CDKAL1: variants seen among roughly 807,000 people sequenced by gnomAD.
CDKAL1 encodes threonylcarbamoyladenosine tRNA methylthiotransferase.
CDKAL1 carries 32 observed loss-of-function variants against 68.2 expected under a neutral mutation model. The observed-to-expected ratio is 0.47, with a 90% confidence interval of 0.35 to 0.63. The LOEUF is 0.63. Among genes scored for constraint, CDKAL1 ranks in the 30% least tolerant of loss-of-function variants. The pLI is 0.00. For missense variants in CDKAL1, 606 were observed against 696.7 expected (o/e 0.87, Z 1.47); for synonymous variants, 234 against 244.3 (o/e 0.96, Z 0.39).
chr6:21,177,603 GATT>G (rs1386677007), intron 13 of CDKAL1, among the ~76,000 whole-genome samples: 2 of 150,520 alleles, frequency 1.3e-5, no homozygotes, highest in Non-Finnish European at 3.0e-5. Context: ...ACAAAAGCTT[GATT>G]TAAAGAGTAT....
chr6:20,822,783 C>T, intron 8 of CDKAL1, among the ~76,000 whole-genome samples: 1 of 152,126 alleles, frequency 6.6e-6, no homozygotes, highest in Admixed American at 6.6e-5. Context: ...AAGAAAGTGC[C>T]TTGCTTTCCC....
intron 8 of CDKAL1, among the ~76,000 whole-genome samples, chr6:20,843,813 AG>A (rs1355358020): frequency 6.6e-6 from 1 of 152,194 alleles, no homozygotes; most frequent in Non-Finnish European, 1.5e-5. Context: ...CATTGGTTAT[AG>A]GACAAATAAG....
At chr6:21,154,626 T>C (rs75266310) in intron 13 of CDKAL1, among the ~76,000 whole-genome samples, 2,897 of 152,288 alleles carry the variant, frequency 0.019, 73 homozygotes, top group African/African-American at 0.058. Flanking sequence ...GAAATGGAAA[T>C]GTAAATTGCT....
chr6:20,984,344 G>A (rs1044572680), intron 10 of CDKAL1, among the ~76,000 whole-genome samples: 1 of 152,136 alleles, frequency 6.6e-6, no homozygotes, highest in African/African-American at 2.4e-5. Flanking sequence ...GCGGGTGCAG[G>A]AGCTGGGGCA....
intron 8 of CDKAL1, among the ~76,000 whole-genome samples, chr6:20,815,456 G>A (rs775025272): frequency 1.9e-4 from 29 of 151,558 alleles, no homozygotes; most frequent in Non-Finnish European, 3.8e-4. Flanking sequence ...CAGTTTAACT[G>A]GGTTTTCAAA....
chr6:21,104,332 A>T (rs1005963057), intron 12 of CDKAL1, among the ~76,000 whole-genome samples: 2 of 152,234 alleles, frequency 1.3e-5, no homozygotes, highest in African/African-American at 4.8e-5. Flanking sequence ...TCCATTGAGC[A>T]AATAGAAGGA....
At chr6:21,034,797 A>AT (rs1195436640) in intron 11 of CDKAL1, among the ~76,000 whole-genome samples, 1 of 152,174 alleles carries the variant, frequency 6.6e-6, no homozygotes, top group Non-Finnish European at 1.5e-5. Context: ...TTGCTGTTAC[A>AT]TTTTTTAAAA....
chr6:21,192,316 C>T lies in CDKAL1; in HGVS notation c.1300-5705C>T, dbSNP rs560262800. ...GATTACAGGCGTGAGCCACCGCGCC[C>T]GGCCATAATTCATTTTTCATAAAAT... is the stretch of plus-strand genomic sequence containing the variant. On this transcript the variant is annotated intron_variant, in intron 13 of 15. Transcript: ENST00000274695. Among the ~76,000 whole-genome samples the T allele has an allele frequency of 5.3e-5, 8 of 152,068 alleles. No individual in the cohort carries two copies. The South Asian group carries it at 1.2e-3, about 24-fold the overall frequency.
intron 13 of CDKAL1, among the ~76,000 whole-genome samples, chr6:21,155,020 G>A (rs189825381): frequency 1.3e-4 from 19 of 149,132 alleles, no homozygotes; most frequent in Admixed American, 1.1e-3. Context: ...AAATACAAGA[G>A]TGATGACATT....
chr6:20,949,097 C>G (rs755290194), intron 9 of CDKAL1, among the ~76,000 whole-genome samples: 13 of 152,168 alleles, frequency 8.5e-5, no homozygotes, highest in Non-Finnish European at 1.3e-4. Flanking sequence ...TTTGTTAACT[C>G]TCATTATTAA....
At chr6:21,192,709 A>T (rs1778305975) in intron 13 of CDKAL1, among the ~76,000 whole-genome samples, 2 of 152,172 alleles carry the variant, frequency 1.3e-5, no homozygotes, top group Non-Finnish European at 2.9e-5. Flanking sequence ...TTAAATAAAC[A>T]TCATTTTATT....
intron 9 of CDKAL1, among the ~76,000 whole-genome samples, chr6:20,907,972 C>T (rs1360151631): frequency 6.6e-6 from 1 of 152,186 alleles, no homozygotes; most frequent in Non-Finnish European, 1.5e-5. Flanking sequence ...ATCCACGGCT[C>T]TGTCACCACT....
chr6:21,067,293 C>T (rs1771510070), intron 12 of CDKAL1, among the ~76,000 whole-genome samples: 1 of 152,054 alleles, frequency 6.6e-6, no homozygotes, highest in Non-Finnish European at 1.5e-5. Flanking sequence ...TGTAAGAATT[C>T]ATGTTTGAGT....
Position 21,065,244 on chromosome 6 carries a change from T to G in CDKAL1, c.1236+16T>G. On this transcript the variant is annotated intron_variant, in intron 12 of 15. Coordinates refer to ENST00000274695, the MANE Select transcript of CDKAL1 (RefSeq NM_017774.3). Reference sequence around the variant, plus strand: ...AGCACAAGTGGTAAGATCTTTTTCTTGTAAGGTATTGTTTTTTGCCAGTAG... The same window carrying G: ...AGCACAAGTGGTAAGATCTTTTTCTGGTAAGGTATTGTTTTTTGCCAGTAG... The G allele has an allele frequency of 6.3e-7, 1 of 1,589,660 alleles. No homozygotes were observed. Among genetic ancestry groups the G allele is most frequent in the South Asian group, 1.2e-5 (1 of 84,664 alleles).
intron 10 of CDKAL1, among the ~76,000 whole-genome samples, chr6:20,972,262 C>T (rs1765636687): frequency 6.6e-6 from 1 of 152,180 alleles, no homozygotes. Context: ...CTTCTTGTTC[C>T]ACACTGGTGG....
rs546103701 is a variant in CDKAL1, at chr6:20,969,870, G to A, written c.909+14285G>A. Among the ~76,000 whole-genome samples the A allele has an allele frequency of 1.6e-4, 24 of 151,724 alleles. 1 individual carries two copies. In the South Asian group the frequency reaches 4.4e-3, roughly 28 times the overall value. ...ACACACCCAGCCCTATGCATACATGGAACCTTCTATATTCTAGGAAATATG... is the reference window on the plus strand; with the variant it reads ...ACACACCCAGCCCTATGCATACATGAAACCTTCTATATTCTAGGAAATATG... On this transcript the variant is annotated intron_variant, in intron 10 of 15. Coordinates refer to ENST00000274695, the MANE Select transcript of CDKAL1 (RefSeq NM_017774.3).
At chr6:21,152,619 A>G (rs1776465711) in intron 13 of CDKAL1, among the ~76,000 whole-genome samples, 1 of 152,206 alleles carries the variant, frequency 6.6e-6, no homozygotes, top group African/African-American at 2.4e-5. Context: ...TCTGGAGCCT[A>G]TGCTAGCTAT....
chr6:21,194,424 A>G (rs1778385591), intron 13 of CDKAL1, among the ~76,000 whole-genome samples: 1 of 152,140 alleles, frequency 6.6e-6, no homozygotes, highest in Non-Finnish European at 1.5e-5. Flanking sequence ...GAGTCTCTTT[A>G]AGACAAATTC....
At chr6:20,595,170 A>G (rs1765766220) in intron 4 of CDKAL1, among the ~76,000 whole-genome samples, 1 of 151,838 alleles carries the variant, frequency 6.6e-6, no homozygotes, top group African/African-American at 2.4e-5. Flanking sequence ...CTTCTCCAGG[A>G]GTATCTTTGT....
Sources: gnomAD v4.1 joint callset for allele counts (sites outside exome capture counted in the v4.1 genomes callset) on GRCh38, gnomAD v4.1.1 for gene constraint, MANE v1.5 for transcripts, NCBI Gene and HGNC (gene_info 2026-07-23, HGNC 2026-07-21) for gene names.